The following SAMD4A variants were observed in gnomAD, a reference collection of about 807,000 sequenced individuals.
SAMD4A encodes sterile alpha motif domain containing 4A, also known as protein Smaug homolog 1.
A neutral mutation model predicts 81.3 loss-of-function variants in SAMD4A; 33 were observed. The ratio of observed to expected loss-of-function variants is 0.41; its 90% CI spans 0.31 to 0.54. The LOEUF (loss-of-function observed/expected upper bound fraction) is 0.54, where lower values mean the gene tolerates loss of function less well. SAMD4A is among the 20% of genes least tolerant of loss of function. The pLI is 0.37. For synonymous variants in SAMD4A, 389 were observed against 382.1 expected, an observed-to-expected ratio of 1.02 and a Z score of -0.21; for missense variants, 854 against 951.1, an observed-to-expected ratio of 0.90 and a Z score of 1.34.
intron 11 of SAMD4A, among the ~76,000 whole-genome samples, chr14:54,780,680 C>CAAGATGGTACAAT (rs1472093227): frequency 6.6e-6 from 1 of 152,222 alleles, no homozygotes; most frequent in Non-Finnish European, 1.5e-5. Context: ...TGCCTCTGAG[C>CAAGATGGTACAAT]ATCAACTTGG....
At chr14:54,708,334 G>A (rs193182036) in intron 3 of SAMD4A, among the ~76,000 whole-genome samples, 181 of 152,348 alleles carry the variant, frequency 1.2e-3, no homozygotes, top group African/African-American at 4.1e-3. Context: ...ATCAGGTAGA[G>A]TAGGATTTGG....
At chr14:54,750,518 AT>A (rs1312756635) in intron 5 of SAMD4A, among the ~76,000 whole-genome samples, 1 of 152,226 alleles carries the variant, frequency 6.6e-6, no homozygotes, top group African/African-American at 2.4e-5. Flanking sequence ...AGAAGATAAA[AT>A]CCACAACTCT....
At chr14:54,668,180 C>T (rs986252901) in intron 2 of SAMD4A, among the ~76,000 whole-genome samples, 10 of 152,220 alleles carry the variant, frequency 6.6e-5, no homozygotes, top group African/African-American at 2.4e-4. Context: ...GTTCTGTGGC[C>T]TAGTTCCTAC....
At chr14:54,742,134 G>C (rs1200672799) in intron 4 of SAMD4A, among the ~76,000 whole-genome samples, 3 of 152,112 alleles carry the variant, frequency 2.0e-5, no homozygotes. Flanking sequence ...GGAAAAGGAA[G>C]TGGGACCGAT....
chr14:54,733,730 ATCTAGAAGCC>A (rs369891736), intron 3 of SAMD4A, among the ~76,000 whole-genome samples: 52 of 152,270 alleles, frequency 3.4e-4, no homozygotes, highest in African/African-American at 1.1e-3. Flanking sequence ...AAGCAAGAAC[ATCTAGAAGCC>A]TCTGGCTAGA....
At chr14:54,680,675 A>G (rs201186824) in intron 2 of SAMD4A, among the ~76,000 whole-genome samples, 1 of 152,262 alleles carries the variant, frequency 6.6e-6, no homozygotes, top group African/African-American at 2.4e-5. Flanking sequence ...AAGAAAGCTT[A>G]AAGAAACCAG....
intron 11 of SAMD4A, among the ~76,000 whole-genome samples, chr14:54,779,971 G>C (rs963758248): frequency 6.6e-6 from 1 of 152,156 alleles, no homozygotes; most frequent in Non-Finnish European, 1.5e-5. Context: ...TGCTTGGAGA[G>C]GGATCCTTTA....
intron 3 of SAMD4A, among the ~76,000 whole-genome samples, chr14:54,730,496 C>T (rs1594869750): frequency 6.6e-6 from 1 of 152,180 alleles, no homozygotes; most frequent in African/African-American, 2.4e-5. Context: ...CTCTTCTTCC[C>T]CCGGAATGAG....
At chr14:54,573,122 T>C (rs1196883233) in intron 2 of SAMD4A, among the ~76,000 whole-genome samples, 1 of 152,236 alleles carries the variant, frequency 6.6e-6, no homozygotes. Context: ...ACTTTTCACT[T>C]AGGGTTTTGT....
intron 2 of SAMD4A, among the ~76,000 whole-genome samples, chr14:54,592,529 G>T (rs1407979398): frequency 6.6e-6 from 1 of 151,822 alleles, no homozygotes; most frequent in African/African-American, 2.4e-5. Flanking sequence ...GTGCGATCTC[G>T]GCTCACTGCA....
chr14:54,789,461 T>C lies in SAMD4A; in HGVS notation c.*517T>C, dbSNP rs1447354252. 1 of 155,358 alleles carries C rather than the reference T, an allele frequency of 6.4e-6. No homozygotes were observed. Among genetic ancestry groups the C allele is most frequent in the African/African-American group, 2.4e-5 (1 of 41,446 alleles). The allele number at this position is 155,358 out of a possible 1,614,324, so 9.6% of individuals were successfully genotyped here. On this transcript the variant is annotated 3_prime_UTR_variant, in exon 13 of 13. Coordinates refer to ENST00000554335, the MANE Select transcript of SAMD4A (RefSeq NM_015589.6). ...GATTGGATGTCCCTGAGGCCCCTGC[T>C]GGAAACAGCCATAGGAGAGGGCCCA...
chr14:54,760,100 A>T, intron 6 of SAMD4A, 61 bp from the exon 7 acceptor site: 1 of 1,539,606 alleles, frequency 6.5e-7, no homozygotes, highest in Middle Eastern at 1.7e-4. Flanking sequence ...GAGGGCAGGT[A>T]CGGGGGTGGA....
chr14:54,565,967 G>A (rs1175961211), upstream of SAMD4A, among the ~76,000 whole-genome samples: 1 of 151,624 alleles, frequency 6.6e-6, no homozygotes, highest in Non-Finnish European at 1.5e-5. This position sits in a 1 kb window ranked among gnomAD's most constrained non-coding sequence, Gnocchi z 5.4. Context: ...GCCGGGTCCG[G>A]GGTTCCTCCC....
chr14:54,644,675 T>C (rs143598936), intron 2 of SAMD4A, among the ~76,000 whole-genome samples: 1 of 152,360 alleles, frequency 6.6e-6, no homozygotes, highest in East Asian at 1.9e-4. Flanking sequence ...AGTGTTCAGC[T>C]TTAATTCTAA....
In SAMD4A at chr14:54,729,263, T is replaced by A. The variant is rs549389966; in HGVS notation, c.716-7761T>A. On this transcript the variant is annotated intron_variant, in intron 3 of 12. Coordinates refer to ENST00000554335, the MANE Select transcript of SAMD4A (RefSeq NM_015589.6). Reference sequence around the variant, plus strand: ...CTAGGTGGTGCCGTTAAGCGCGGGATGGATGCTGTATTGCATAAACCTCAG... The same window carrying A: ...CTAGGTGGTGCCGTTAAGCGCGGGAAGGATGCTGTATTGCATAAACCTCAG... Among the ~76,000 whole-genome samples, 11 of 152,186 alleles carry A rather than the reference T, an allele frequency of 7.2e-5. No individual in the cohort carries two copies. In the South Asian group the frequency reaches 2.3e-3, roughly 32 times the overall value.
intron 3 of SAMD4A, among the ~76,000 whole-genome samples, chr14:54,732,542 T>A (rs1447398372): frequency 2.0e-5 from 3 of 152,274 alleles, no homozygotes; most frequent in East Asian, 3.9e-4. Flanking sequence ...TATAAATTAT[T>A]AAAAATTATG....
intron 2 of SAMD4A, among the ~76,000 whole-genome samples, chr14:54,691,421 AG>A (rs965362721): frequency 3.1e-4 from 47 of 152,272 alleles, no homozygotes; most frequent in African/African-American, 1.1e-3. Context: ...GATACCCAGA[AG>A]GAGGGAAATG....
At chr14:54,759,211 C>T (rs2038325945) in intron 6 of SAMD4A, among the ~76,000 whole-genome samples, 2 of 152,190 alleles carry the variant, frequency 1.3e-5, no homozygotes, top group African/African-American at 4.8e-5. Context: ...AAACTTGTCA[C>T]TCCCTTGCTC....
At chr14:54,720,536 A>G (rs2037234699) in intron 3 of SAMD4A, among the ~76,000 whole-genome samples, 1 of 152,016 alleles carries the variant, frequency 6.6e-6, no homozygotes, top group African/African-American at 2.4e-5. Context: ...GGACTAGCCC[A>G]TTACCATTAA....
Sources: gnomAD v4.1 joint callset for allele counts (sites outside exome capture counted in the v4.1 genomes callset) on GRCh38, gnomAD v4.1.1 for gene constraint, Gnocchi (gnomAD v3.1) non-coding constraint, MANE v1.5 for transcripts, NCBI Gene and HGNC (gene_info 2026-07-23, HGNC 2026-07-21) for gene names.